SMG6: variants seen among roughly 807,000 people sequenced by gnomAD.
SMG6 encodes the protein telomerase-binding protein EST1A.
A neutral mutation model predicts 142.2 loss-of-function variants in SMG6; 66 were observed. The observed-to-expected ratio is 0.46, with a 90% CI of 0.38 to 0.57. The LOEUF is 0.57. SMG6 is among the 20% of genes least tolerant of loss of function. SMG6 has a pLI of 0.00. For missense variants in SMG6, 1,793 were observed against 1,832.0 expected (o/e 0.98, Z 0.39); for synonymous variants, 779 against 702.4 (o/e 1.11, Z -1.72).
intron 10 of SMG6, among the ~76,000 whole-genome samples, chr17:2,206,089 G>A (rs575022821): frequency 6.6e-6 from 1 of 152,252 alleles, no homozygotes; most frequent in South Asian, 2.1e-4. Flanking sequence ...GATCATAGGC[G>A]TGAGCAATTG....
At chr17:2,111,496 C>T (rs530559379) in intron 13 of SMG6, among the ~76,000 whole-genome samples, 11 of 152,244 alleles carry the variant, frequency 7.2e-5, no homozygotes, top group Admixed American at 3.3e-4. Context: ...ACTGCAGCCT[C>T]GACCTCCTGG....
At chr17:2,097,160 CT>C (rs1555534662) in intron 13 of SMG6, among the ~76,000 whole-genome samples, 153 of 144,532 alleles carry the variant, frequency 1.1e-3, no homozygotes, top group Admixed American at 8.3e-4. Context: ...CTTTTCTTTT[CT>C]TTTTTTTTTT....
intron 13 of SMG6, among the ~76,000 whole-genome samples, chr17:2,106,734 G>C (rs2069166507): frequency 1.3e-5 from 2 of 152,136 alleles, no homozygotes; most frequent in Admixed American, 1.3e-4. Context: ...ATGTTTCAAA[G>C]CTGATGACAA....
chr17:2,193,623 T>C (rs1053519058), intron 10 of SMG6, among the ~76,000 whole-genome samples: 2 of 152,056 alleles, frequency 1.3e-5, no homozygotes, highest in Non-Finnish European at 2.9e-5. Flanking sequence ...GAGTGCCCAA[T>C]TGTGGAGGAT....
intron 13 of SMG6, chr17:2,122,299 T>C (rs2069726767): frequency 6.6e-6 from 1 of 152,120 alleles, no homozygotes; most frequent in African/African-American, 2.4e-5. Flanking sequence ...TATAATAAAA[T>C]GTTGGAAAAT....
At chr17:2,114,951 T>TAAAATAA (rs2069455140) in intron 13 of SMG6, among the ~76,000 whole-genome samples, 2 of 108,830 alleles carry the variant, frequency 1.8e-5, no homozygotes, top group African/African-American at 8.0e-5. Flanking sequence ...TAAAATAAAA[T>TAAAATAA]AAAAAAATGA....
At chr17:2,242,534 A>C (rs1332209812) in intron 9 of SMG6, among the ~76,000 whole-genome samples, 1 of 150,696 alleles carries the variant, frequency 6.6e-6, no homozygotes, top group African/African-American at 2.5e-5. Flanking sequence ...CGTCTCAAAA[A>C]AAAAAGATAA....
intron 13 of SMG6, among the ~76,000 whole-genome samples, chr17:2,161,166 G>C (rs1459692482): frequency 6.6e-6 from 1 of 151,194 alleles, no homozygotes; most frequent in Non-Finnish European, 1.5e-5. Context: ...GGAGTGCAGG[G>C]GCGCGATCTT....
chr17:2,299,897 T>A lies in SMG6; in HGVS notation c.856A>T (p.Thr286Ser), dbSNP rs1247675067. The A allele has an allele frequency of 6.2e-7, 1 of 1,614,174 alleles. No homozygotes were observed. The highest frequency in any genetic ancestry group is 1.7e-5 in the Admixed American group (1 of 60,020). Residue 286 changes from threonine (T) to serine (S), a missense_variant, in exon 2 of 19, where the codon ACC becomes TCC. By Grantham distance (58) the Thr-to-Ser change is moderately conservative. Around this residue, in one of 3 missense-constraint regions of SMG6, gnomAD observed 1,597 missense variants for 1,584.6 expected, o/e 1.01. Transcript: ENST00000263073. The surrounding 1 kb of genome is among the most constrained non-coding windows in gnomAD (Gnocchi z 4.3). ...NGCRRRRQDR[T>S]KERPRLKKQV... is the part of the protein sequence containing the mutation. Reference sequence around the variant, plus strand: ...TTCTTCAGTCGTGGCCTCTCCTTGGTCCTATCCTGTCGGCGGCGGCGACAT... The same window carrying A: ...TTCTTCAGTCGTGGCCTCTCCTTGGACCTATCCTGTCGGCGGCGGCGACAT...
chr17:2,108,957 T>C (rs1003204101), intron 13 of SMG6, among the ~76,000 whole-genome samples: 2 of 152,120 alleles, frequency 1.3e-5, no homozygotes, highest in Non-Finnish European at 2.9e-5. Context: ...TTTTCACTTA[T>C]TTTATCTCAT....
chr17:2,115,901 C>T (rs2069490515), intron 13 of SMG6, among the ~76,000 whole-genome samples: 1 of 152,054 alleles, frequency 6.6e-6, no homozygotes, highest in Non-Finnish European at 1.5e-5. Context: ...GAGACAGGGT[C>T]TTGCTATATT....
At chr17:2,206,131 CA>C (rs2072673768) in intron 10 of SMG6, among the ~76,000 whole-genome samples, 1 of 152,062 alleles carries the variant, frequency 6.6e-6, no homozygotes, top group South Asian at 2.1e-4. Flanking sequence ...TTATAACACA[CA>C]GCCTCTTATC....
intron 4 of SMG6, among the ~76,000 whole-genome samples, chr17:2,296,310 C>G (rs565979482): frequency 1.2e-4 from 19 of 152,308 alleles, no homozygotes; most frequent in African/African-American, 4.6e-4. Flanking sequence ...GCTGGACCCT[C>G]TATCTAAACT....
intron 13 of SMG6, chr17:2,087,137 C>T: frequency 7.7e-7 from 1 of 1,290,502 alleles, no homozygotes; most frequent in Non-Finnish European, 1.0e-6. Flanking sequence ...GGACAGCAAC[C>T]CCTCTGGTGG....
At chr17:2,295,993 T>A in intron 4 of SMG6, among the ~76,000 whole-genome samples, 1 of 152,276 alleles carries the variant, frequency 6.6e-6, no homozygotes, top group Middle Eastern at 3.4e-3. Context: ...ACGACCTCTA[T>A]CTTAGTTCAG....
chr17:2,295,655 C>A (rs994797761), intron 4 of SMG6, among the ~76,000 whole-genome samples: 14 of 152,124 alleles, frequency 9.2e-5, no homozygotes, highest in Non-Finnish European at 1.5e-4. Flanking sequence ...TTCTGGCCAG[C>A]CTTCCCAGTA....
At chr17:2,235,656 G>A (rs1200009877) in intron 10 of SMG6, 1 of 152,540 alleles carries the variant, frequency 6.6e-6, no homozygotes, top group Non-Finnish European at 1.5e-5. Flanking sequence ...ATGACTCCTA[G>A]GCAGCATGGA....
At chr17:2,272,877 C>A (rs1311402863) in intron 8 of SMG6, among the ~76,000 whole-genome samples, 1 of 151,538 alleles carries the variant, frequency 6.6e-6, no homozygotes, top group Non-Finnish European at 1.5e-5. Context: ...GGCGGAGGAG[C>A]TGAGTTCACG....
intron 8 of SMG6, among the ~76,000 whole-genome samples, chr17:2,265,720 A>G (rs1289632986): frequency 6.6e-6 from 1 of 152,234 alleles, no homozygotes; most frequent in African/African-American, 2.4e-5. Context: ...AACTCCTGAC[A>G]TAAGAATGTA....
Sources: allele counts gnomAD v4.1 joint callset (sites outside exome capture counted in the v4.1 genomes callset), GRCh38; gene constraint gnomAD v4.1.1; regional missense constraint gnomAD v4.1.1; non-coding constraint Gnocchi (gnomAD v3.1); transcripts MANE v1.5; gene names NCBI Gene and HGNC (gene_info 2026-07-23, HGNC 2026-07-21).